The following INTS1 variants were observed in gnomAD, a reference collection of about 807,000 sequenced individuals.
The protein encoded by INTS1 is integrator complex subunit 1.
A neutral mutation model predicts 241.6 loss-of-function variants in INTS1; 137 were observed. The ratio of observed to expected loss-of-function variants is 0.57; its 90% CI spans 0.49 to 0.65. The LOEUF (loss-of-function observed/expected upper bound fraction) is 0.65, where lower values mean the gene tolerates loss of function less well. Ranked by LOEUF, INTS1 falls within the 30% of genes least tolerant of loss-of-function variation. The pLI, the probability that INTS1 is intolerant of heterozygous loss-of-function variation, is 0.00. For synonymous variants in INTS1, 1,692 were observed against 1,337.8 expected (o/e 1.26, Z -5.78); for missense variants, 3,073 against 3,032.2 (o/e 1.01, Z -0.32).
chr7:1,474,783 C>A lies in INTS1; in HGVS notation c.5558G>T (p.Arg1853Leu). Residue 1853 changes from arginine (R) to leucine (L), a missense_variant, in exon 40 of 48, where the codon CGG becomes CTG. By Grantham distance (102) the Arg-to-Leu change is moderately radical (BLOSUM62 -2). Coordinates refer to ENST00000404767, the MANE Select transcript of INTS1 (RefSeq NM_001080453.3). ...ATCCGCCCCTCGGTTCTCCAACGCCCGGGAGTCGCTGGTGTCCGCAAGGAG... is the reference window on the plus strand; with the variant it reads ...ATCCGCCCCTCGGTTCTCCAACGCCAGGGAGTCGCTGGTGTCCGCAAGGAG... ...ITLLADTSDS[R>L]ALENRGADAS... The A allele has an allele frequency of 3.8e-6, 6 of 1,582,262 alleles. No homozygotes were observed. The highest frequency in any genetic ancestry group is 1.2e-5 in the South Asian group (1 of 86,256).
At chr7:1,476,543 C>CG in intron 37 of INTS1, 27 bp downstream of exon 37, 2 of 1,610,312 alleles carry the variant, frequency 1.2e-6, no homozygotes. Flanking sequence ...CCCCCTCTCC[C>CG]GGATGGGCCA....
chr7:1,499,402 G>GCCCATCCTCCCACCCCT, intron 6 of INTS1, 42 bp from the exon 7 acceptor site: 1 of 514,318 alleles, frequency 1.9e-6, no homozygotes, highest in Non-Finnish European at 2.8e-6. Context: ...CCTCCCACCC[G>GCCCATCCTCCCACCCCT]CCCATCCTCC....
In INTS1 at chr7:1,477,017, C is replaced by T. The variant is rs988885229; in HGVS notation, c.4939-99G>A. 4.9e-5 allele frequency: 71 copies of T among 1,446,160 alleles called. No homozygotes were observed. In the African/African-American group the frequency reaches 7.9e-4, roughly 16 times the overall value. The allele number at this position is 1,446,160 out of a possible 1,614,324, so 89.6% of individuals were successfully genotyped here. ...TTCCCCAATGAGCCACTCAGAGAGC[C>T]GAGGCTTGGGGTGCTGCCGGTAACA... On this transcript the variant is annotated intron_variant, in intron 35 of 47. Transcript: ENST00000404767.
At chr7:1,492,259 C>T (rs1782589576) in intron 16 of INTS1, among the ~76,000 whole-genome samples, 1 of 152,212 alleles carries the variant, frequency 6.6e-6, no homozygotes, top group Non-Finnish European at 1.5e-5. Flanking sequence ...GTGCCCTCAG[C>T]CACGAGGAGG....
intron 1 of INTS1, 99 bp from the exon 2 acceptor site, chr7:1,504,100 G>A (rs1248436081): frequency 3.1e-6 from 2 of 654,710 alleles, no homozygotes; most frequent in Non-Finnish European, 5.0e-6. Flanking sequence ...GGGACCCGGG[G>A]ACAGTGGTCC....
intron 27 of INTS1, 66 bp downstream of exon 27, chr7:1,482,480 G>A (rs1782042431): frequency 4.7e-6 from 7 of 1,485,020 alleles, no homozygotes; most frequent in South Asian, 1.3e-5. Flanking sequence ...AGGCCCACAA[G>A]GAGCAGGCAA....
rs192668093 is a variant in INTS1 at position 1,491,803 on chromosome 7, C to T, written c.2165+1207G>A. Reference sequence around the variant, plus strand: ...GTCCCAGCTACACAGGAGGCCAAGGCGGGAGGACCGCTTGAGCCAGGGAGG... The same window carrying T: ...GTCCCAGCTACACAGGAGGCCAAGGTGGGAGGACCGCTTGAGCCAGGGAGG... On this transcript the variant is annotated intron_variant, in intron 16 of 47. Coordinates refer to ENST00000404767, the MANE Select transcript of INTS1 (RefSeq NM_001080453.3). Among the ~76,000 whole-genome samples, 45 of 152,316 alleles carry T rather than the reference C, an allele frequency of 3.0e-4. No individual in the cohort carries two copies. In the South Asian group the frequency reaches 4.8e-3, roughly 16 times the overall value.
intron 22 of INTS1, 30 bp downstream of exon 22, chr7:1,486,595 G>T (rs758957615): frequency 2.5e-6 from 4 of 1,603,260 alleles, no homozygotes; most frequent in Non-Finnish European, 3.4e-6. Context: ...CATGAAGAGC[G>T]TGCGCAGAAA....
rs1282563282 is a variant in INTS1 at position 1,474,757 on chromosome 7, C to G, written c.5584G>C (p.Ala1862Pro). The G allele has an allele frequency of 6.4e-7, 1 of 1,568,168 alleles. No homozygotes were observed. Among genetic ancestry groups the G allele is most frequent in the South Asian group, 1.2e-5 (1 of 85,110 alleles). Reference protein sequence around the residue: ...SRALENRGADASMACRKLAVA... With the variant: ...SRALENRGADPSMACRKLAVA... ...GCCAGCTTCCGGCAGGCCATGCTGG[C>G]ATCCGCCCCTCGGTTCTCCAACGCC... The change falls in exon 40 of 48, where the codon GCC becomes CCC. Residue 1862 changes from alanine to proline, a missense_variant. Physicochemically the swap from Ala to Pro is conservative, Grantham distance 27 (BLOSUM62 -1). Transcript: ENST00000404767.
intron 18 of INTS1, 27 bp from the exon 19 acceptor site, chr7:1,487,984 C>A (rs1350451144): frequency 6.2e-7 from 1 of 1,610,130 alleles, no homozygotes; most frequent in Non-Finnish European, 8.5e-7. Flanking sequence ...GAGCGTGTCA[C>A]CCTGCCCCCC....
At chr7:1,480,217 G>C (rs1781930710) in intron 30 of INTS1, 100 bp downstream of exon 30, 1 of 1,377,152 alleles carries the variant, frequency 7.3e-7, no homozygotes, top group Non-Finnish European at 9.7e-7. Context: ...GGGTCAGGCG[G>C]TCACGCAAGT....
At chr7:1,501,780 G>T (rs1783193573) in intron 3 of INTS1, among the ~76,000 whole-genome samples, 2 of 152,108 alleles carry the variant, frequency 1.3e-5, no homozygotes, top group African/African-American at 4.8e-5. Context: ...TGGGCCGTTT[G>T]CCCCCAGGGC....
chr7:1,486,204 G>C (rs1782258653), intron 22 of INTS1, among the ~76,000 whole-genome samples: 1 of 151,930 alleles, frequency 6.6e-6, no homozygotes, highest in African/African-American at 2.4e-5. Context: ...CCAAAGTGCT[G>C]GGATGACAAG....
intron 12 of INTS1, 23 bp from the exon 13 acceptor site, chr7:1,495,576 T>C: frequency 6.3e-7 from 1 of 1,598,710 alleles, no homozygotes; most frequent in Non-Finnish European, 8.5e-7. Context: ...CGCAGCTTAG[T>C]GGCCCATCCG....
chr7:1,496,086 A>AGAGCCGC (rs1347023268), intron 12 of INTS1, 70 bp downstream of exon 12: 12 of 1,251,676 alleles, frequency 9.6e-6, no homozygotes, highest in Non-Finnish European at 1.4e-5. Context: ...GCAGCCTCGG[A>AGAGCCGC]GAGCCGCCAG....
At chr7:1,482,829 A>C (rs1583116140) in intron 26 of INTS1, 122 bp from the exon 27 acceptor site, 1 of 1,195,818 alleles carries the variant, frequency 8.4e-7, no homozygotes, top group Admixed American at 2.2e-5. Context: ...TGGGAGGAGC[A>C]CGGGGCTCCT....
chr7:1,489,693 G>C lies in INTS1; in HGVS notation c.2166-11C>G, dbSNP rs747154658. ...TTCGGAGGCTGGTACCTGGAAGGCA[G>C]GGGCGCCCCGACTCAGGCCCAGCGC... On this transcript the variant is annotated splice_polypyrimidine_tract_variant and intron_variant, in intron 16 of 47. Transcript: ENST00000404767. 1.0e-5 allele frequency: 15 copies of C among 1,502,384 alleles called. No individual in the cohort carries two copies. Among genetic ancestry groups the C allele is most frequent in the Non-Finnish European group, 1.2e-5 (14 of 1,120,278 alleles). The allele number at this position is 1,502,384 out of a possible 1,614,324, so 93.1% of individuals were successfully genotyped here. A position where few individuals can be genotyped will look rare whatever the true frequency, so the allele number is the denominator to read the frequency against.
In INTS1 at chr7:1,474,367, G is replaced by A. The variant is rs759567984; in HGVS notation, c.5637-7C>T. ...CGCGATCATGGGCAGGTGCCTGCGG[G>A]CGCGGTGAGGGCCCAGTCAGCCCCG... On this transcript the variant is annotated splice_polypyrimidine_tract_variant and splice_region_variant and intron_variant, in intron 40 of 47. Transcript: ENST00000404767. 2 of 1,582,688 alleles carry A rather than the reference G, an allele frequency of 1.3e-6. No individual in the cohort carries two copies. The highest frequency in any genetic ancestry group is 1.7e-6 in the Non-Finnish European group (2 of 1,165,036).
chr7:1,476,257 A>G lies in INTS1; in HGVS notation c.5350T>C (p.Ser1784Pro). The change falls in exon 38 of 48, where the codon TCA becomes CCA. Residue 1784 changes from serine to proline, a missense_variant. Ser to Pro is a moderately conservative substitution (Grantham distance 74). Coordinates refer to ENST00000404767, the MANE Select transcript of INTS1 (RefSeq NM_001080453.3). The part of the protein sequence containing the change: ...ESVRKVTEHL[S>P]GCIQQWGDSV... ...TCTCCCCACTGCTGGATGCAGCCTG[A>G]CAGGTGCTCCGTCACCTTCCTGACA... is the stretch of plus-strand genomic sequence containing the variant. 1.3e-6 allele frequency: 2 copies of G among 1,566,864 alleles called. No homozygotes were observed. Among genetic ancestry groups the G allele is most frequent in the Non-Finnish European group, 1.7e-6 (2 of 1,157,430 alleles).
Sources: allele counts gnomAD v4.1 joint callset (sites outside exome capture counted in the v4.1 genomes callset), GRCh38; gene constraint gnomAD v4.1.1; transcripts MANE v1.5; gene names NCBI Gene and HGNC (gene_info 2026-07-23, HGNC 2026-07-21).